The following PTPRN2 variants were observed in gnomAD, a reference collection of about 807,000 sequenced individuals.
The protein encoded by PTPRN2 is receptor-type tyrosine-protein phosphatase N2.
Under a neutral mutation model 118.8 loss-of-function variants are expected in PTPRN2, and 74 were observed. That is an observed-to-expected ratio of 0.62 (90% CI 0.52 to 0.76). The LOEUF (loss-of-function observed/expected upper bound fraction) is 0.76, where lower values mean the gene tolerates loss of function less well. PTPRN2 is among the 30% of genes least tolerant of loss of function. The pLI, the probability that PTPRN2 is intolerant of heterozygous loss-of-function variation, is 0.00. For missense variants in PTPRN2, 1,481 were observed against 1,394.4 expected (o/e 1.06, Z -0.99); for synonymous variants, 641 against 608.0 (o/e 1.05, Z -0.80).
rs1332105277 is a variant in PTPRN2 at position 157,715,824 on chromosome 7, G to C, written c.1789-32887C>G. The stretch of plus-strand genomic sequence containing the variant: ...AGATGGAGACAGACTCCTGTGCTGA[G>C]GTTGCAGGGTTGCACTCTGAAAAGA... On this transcript the variant is annotated intron_variant, in intron 12 of 22. Coordinates refer to ENST00000389418, the MANE Select transcript of PTPRN2 (RefSeq NM_002847.5). Among the ~76,000 whole-genome samples, 4 of 152,246 alleles carry C rather than the reference G, an allele frequency of 2.6e-5. No homozygotes were observed. In the East Asian group the frequency reaches 7.7e-4, roughly 29 times the overall value.
At chr7:158,074,954 C>T (rs763683366) in intron 11 of PTPRN2, among the ~76,000 whole-genome samples, 2 of 152,212 alleles carry the variant, frequency 1.3e-5, no homozygotes, top group African/African-American at 2.4e-5. Flanking sequence ...GCAGTATCCC[C>T]GAGTGTCCCC....
intron 16 of PTPRN2, among the ~76,000 whole-genome samples, chr7:157,597,270 A>C (rs1801398458): frequency 6.6e-6 from 1 of 152,234 alleles, no homozygotes; most frequent in Non-Finnish European, 1.5e-5. Context: ...AATTCGCCAC[A>C]ACACACACAA....
intron 6 of PTPRN2, among the ~76,000 whole-genome samples, chr7:158,143,019 C>T (rs939640991): frequency 1.3e-5 from 2 of 152,200 alleles, no homozygotes; most frequent in Admixed American, 1.3e-4. Flanking sequence ...GCAACCGAGC[C>T]ACCGAGCCAC....
intron 11 of PTPRN2, among the ~76,000 whole-genome samples, chr7:157,932,787 C>A (rs1344152237): frequency 7.1e-6 from 1 of 141,310 alleles, no homozygotes; most frequent in Non-Finnish European, 1.5e-5. Flanking sequence ...AGGGATGAGT[C>A]ACTCCGATGG....
chr7:158,096,897 C>T (rs573082174), intron 10 of PTPRN2, among the ~76,000 whole-genome samples: 2 of 152,198 alleles, frequency 1.3e-5, no homozygotes, highest in Non-Finnish European at 2.9e-5. Flanking sequence ...TTTCTCACTG[C>T]GGGGGCTCTT....
At chr7:157,554,630 G>A (rs777988219) in intron 21 of PTPRN2, among the ~76,000 whole-genome samples, 5 of 152,242 alleles carry the variant, frequency 3.3e-5, no homozygotes, top group African/African-American at 4.8e-5. Flanking sequence ...AGCAGCTAAC[G>A]AAAGTTAAAT....
intron 11 of PTPRN2, among the ~76,000 whole-genome samples, chr7:157,900,011 T>C (rs949211518): frequency 6.6e-6 from 1 of 152,102 alleles, no homozygotes; most frequent in Non-Finnish European, 1.5e-5. Flanking sequence ...AGGAGGGTAA[T>C]AGTGGACTCT....
intron 11 of PTPRN2, among the ~76,000 whole-genome samples, chr7:158,066,304 G>T (rs1260649727): frequency 6.6e-6 from 1 of 152,196 alleles, no homozygotes; most frequent in African/African-American, 2.4e-5. Context: ...TCTGCAAACA[G>T]CCACCCTTCT....
chr7:157,759,668 T>C (rs1472892227), intron 12 of PTPRN2, among the ~76,000 whole-genome samples: 3 of 152,252 alleles, frequency 2.0e-5, no homozygotes, highest in Non-Finnish European at 2.9e-5. Context: ...TATTGGTCAA[T>C]GATGTTGGTG....
chr7:158,279,624 G>A (rs936392442), intron 3 of PTPRN2, among the ~76,000 whole-genome samples: 5 of 152,334 alleles, frequency 3.3e-5, no homozygotes, highest in Admixed American at 6.5e-5. Flanking sequence ...CCAGTCCCAC[G>A]GAGTGCCAGG....
At chr7:157,553,424 G>A (rs1445622005) in intron 21 of PTPRN2, among the ~76,000 whole-genome samples, 2 of 152,304 alleles carry the variant, frequency 1.3e-5, no homozygotes, top group African/African-American at 4.8e-5. Flanking sequence ...CTCCCTCCGC[G>A]TGCACTGATC....
At chr7:157,689,653 G>A (rs1797373883) in intron 12 of PTPRN2, among the ~76,000 whole-genome samples, 1 of 152,274 alleles carries the variant, frequency 6.6e-6, no homozygotes, top group South Asian at 2.1e-4. Context: ...TACGAAGGAA[G>A]GAAATGAAGT....
chr7:157,739,848 GCTC>G (rs1197082178), intron 12 of PTPRN2, among the ~76,000 whole-genome samples: 1 of 152,210 alleles, frequency 6.6e-6, no homozygotes, highest in Non-Finnish European at 1.5e-5. Context: ...GGAGGCCTGA[GCTC>G]CTGGGCCGCT....
Position 157,539,702 on chromosome 7 carries a change from C to G in PTPRN2, c.*1012G>C, listed in dbSNP as rs1563194501. On this transcript the variant is annotated 3_prime_UTR_variant, in exon 23 of 23. Transcript: ENST00000389418. ...CAGTGCGTGCAGGTCGCCCTGATCT[C>G]CTCTCCCGGGAGGGAAATGCTCGCA... The G allele has an allele frequency of 1.6e-5, 1 of 63,262 alleles. No homozygotes were observed. Among genetic ancestry groups the G allele is most frequent in the African/African-American group, 5.2e-5 (1 of 19,110 alleles). 3.9% of individuals were successfully genotyped at this position (63,262 alleles called of 1,614,324 possible).
At chr7:158,392,384 G>A (rs1464222413) in intron 2 of PTPRN2, among the ~76,000 whole-genome samples, 1 of 152,214 alleles carries the variant, frequency 6.6e-6, no homozygotes, top group Non-Finnish European at 1.5e-5. Context: ...GCAACCCCAA[G>A]TGTTCTGTCC....
intron 5 of PTPRN2, among the ~76,000 whole-genome samples, chr7:158,190,593 G>A (rs1418241916): frequency 6.6e-6 from 1 of 152,162 alleles, no homozygotes; most frequent in Non-Finnish European, 1.5e-5. Context: ...GGCCCACAGA[G>A]CCCTGTGACC....
At chr7:157,838,685 G>A (rs113796054) in intron 12 of PTPRN2, among the ~76,000 whole-genome samples, 2 of 13,872 alleles carry the variant, frequency 1.4e-4, no homozygotes, top group Admixed American at 6.1e-4. Context: ...AGTTCCTCTC[G>A]TAGTGGATGG....
chr7:157,848,671 G>C (rs1584860385), intron 12 of PTPRN2, among the ~76,000 whole-genome samples: 1 of 152,352 alleles, frequency 6.6e-6, no homozygotes, highest in Middle Eastern at 3.4e-3. Flanking sequence ...TGACAGAAAT[G>C]ACGGCTTCCG....
chr7:157,584,652 G>A (rs962505259), intron 17 of PTPRN2, among the ~76,000 whole-genome samples: 6 of 152,350 alleles, frequency 3.9e-5, no homozygotes, highest in African/African-American at 7.2e-5. Flanking sequence ...TGTTGTGAGC[G>A]TCCTCTCGTG....
Sources: gnomAD v4.1 joint callset for allele counts (sites outside exome capture counted in the v4.1 genomes callset) on GRCh38, gnomAD v4.1.1 for gene constraint, MANE v1.5 for transcripts, NCBI Gene and HGNC (gene_info 2026-07-23, HGNC 2026-07-21) for gene names.